The following GRM5 variants were observed in gnomAD, a reference collection of about 807,000 sequenced individuals.
GRM5 encodes the protein glutamate metabotropic receptor 5.
GRM5 carries 19 observed loss-of-function variants against 83.1 expected under a neutral mutation model. That is an observed-to-expected ratio of 0.23 (90% CI 0.16 to 0.34). The LOEUF (loss-of-function observed/expected upper bound fraction) is 0.34, where lower values mean the gene tolerates loss of function less well. Among genes scored for constraint, GRM5 ranks in the 10% least tolerant of loss-of-function variants. GRM5 has a pLI of 1.00. For synonymous variants in GRM5, 675 were observed against 633.6 expected (o/e 1.07, Z -0.98); for missense variants, 1,160 against 1,588.3 (o/e 0.73, Z 4.58).
chr11:88,876,888 A>T (rs1387234033), intron 2 of GRM5, among the ~76,000 whole-genome samples: 2 of 152,142 alleles, frequency 1.3e-5, no homozygotes, highest in Non-Finnish European at 2.9e-5. Flanking sequence ...CAGCCATAAA[A>T]AAAGAATGAA....
chr11:88,511,374 C>T (rs889649828), intron 9 of GRM5, among the ~76,000 whole-genome samples: 1 of 152,232 alleles, frequency 6.6e-6, no homozygotes, highest in African/African-American at 2.4e-5. Flanking sequence ...CCCTTGGTAA[C>T]AGACTGCCAT....
At chr11:88,757,153 AG>A (rs1350478534) in intron 3 of GRM5, among the ~76,000 whole-genome samples, 4 of 152,080 alleles carry the variant, frequency 2.6e-5, no homozygotes, top group South Asian at 4.1e-4. Context: ...AAGCAGTCAA[AG>A]GAAAAAAAAC....
chr11:88,923,102 T>C (rs1273369334), intron 2 of GRM5, among the ~76,000 whole-genome samples: 1 of 151,930 alleles, frequency 6.6e-6, no homozygotes, highest in Non-Finnish European at 1.5e-5. Flanking sequence ...TATAAAAGAC[T>C]GGGAATATAA....
Position 89,024,055 on chromosome 11 carries a change from A to C in GRM5, c.661+23157T>G, listed in dbSNP as rs371820248. On this transcript the variant is annotated intron_variant, in intron 2 of 9. Transcript: ENST00000305447. The stretch of plus-strand genomic sequence containing the variant: ...ACGTGGTAAAACCCCGTCTGTACTA[A>C]AAATACAAAAATTAGTTGGGCGTGG... Among the ~76,000 whole-genome samples the C allele has an allele frequency of 2.4e-4, 36 of 152,012 alleles. No homozygotes were observed. The East Asian group carries it at 4.5e-3, about 19-fold the overall frequency.
intron 2 of GRM5, among the ~76,000 whole-genome samples, chr11:88,909,126 T>A (rs534444411): frequency 6.6e-6 from 1 of 152,150 alleles, no homozygotes. Flanking sequence ...CAACTAAAAT[T>A]AAAGTGGAAC....
At chr11:88,964,438 T>C (rs1232547460) in intron 2 of GRM5, among the ~76,000 whole-genome samples, 1 of 152,100 alleles carries the variant, frequency 6.6e-6, no homozygotes, top group Non-Finnish European at 1.5e-5. Context: ...TGCTCAGTAG[T>C]TTTGAGAACT....
At chr11:88,629,016 G>A (rs1364520475) in intron 4 of GRM5, among the ~76,000 whole-genome samples, 2 of 152,154 alleles carry the variant, frequency 1.3e-5, no homozygotes, top group Non-Finnish European at 2.9e-5. Flanking sequence ...TTCTAGTCAG[G>A]TACTGCAAAG....
intron 3 of GRM5, among the ~76,000 whole-genome samples, chr11:88,829,852 A>C (rs1185425688): frequency 6.6e-6 from 1 of 152,128 alleles, no homozygotes; most frequent in Non-Finnish European, 1.5e-5. Context: ...GATTATGTAC[A>C]AGCAAAAAAC....
At chr11:88,868,593 T>A (rs1944710534) in intron 2 of GRM5, among the ~76,000 whole-genome samples, 1 of 151,756 alleles carries the variant, frequency 6.6e-6, no homozygotes, top group Admixed American at 6.6e-5. Flanking sequence ...CCATCTATTC[T>A]CCATGTTTCA....
At chr11:88,617,319 T>C (rs1331789821) in intron 4 of GRM5, among the ~76,000 whole-genome samples, 1 of 152,148 alleles carries the variant, frequency 6.6e-6, no homozygotes, top group Non-Finnish European at 1.5e-5. Context: ...GAGAAGCTAG[T>C]TGAGAACTCT....
chr11:88,510,511 T>C (rs143772459), intron 9 of GRM5, among the ~76,000 whole-genome samples: 3 of 13,840 alleles, frequency 2.2e-4, no homozygotes, highest in African/African-American at 1.1e-3. Flanking sequence ...ACACTCAAGA[T>C]TTTTTTTTTA....
rs557816866 is a variant in GRM5 at position 88,551,554 on chromosome 11, A to G, written c.2630+15499T>C. On this transcript the variant is annotated intron_variant, in intron 8 of 9. Coordinates refer to ENST00000305447, the MANE Select transcript of GRM5 (RefSeq NM_001143831.3). ...GAAATGGGATGAGTAAGCATGTGAC[A>G]AGGCAGATTCGATTCTTATTCACAA... Among the ~76,000 whole-genome samples the G allele has an allele frequency of 1.4e-4, 22 of 152,260 alleles. No homozygotes were observed. In the South Asian group the frequency reaches 4.4e-3, roughly 30 times the overall value.
chr11:88,517,886 C>G (rs1941566122), intron 9 of GRM5, among the ~76,000 whole-genome samples: 1 of 152,134 alleles, frequency 6.6e-6, no homozygotes, highest in Admixed American at 6.5e-5. Flanking sequence ...TCTACAAAAA[C>G]TATACATTTG....
chr11:88,870,988 G>A (rs1944757960), intron 2 of GRM5, among the ~76,000 whole-genome samples: 1 of 151,570 alleles, frequency 6.6e-6, no homozygotes, highest in Admixed American at 6.6e-5. Context: ...CTAAATTAGT[G>A]TGATGTGACC....
At chr11:88,611,042 A>G (rs1938299362) in intron 4 of GRM5, among the ~76,000 whole-genome samples, 1 of 152,192 alleles carries the variant, frequency 6.6e-6, no homozygotes, top group Admixed American at 6.5e-5. Flanking sequence ...ATGTTAAACC[A>G]ACCATGAATC....
At chr11:89,063,293 T>C (rs1469833972) in intron 1 of GRM5, among the ~76,000 whole-genome samples, 2 of 152,098 alleles carry the variant, frequency 1.3e-5, no homozygotes, top group African/African-American at 4.8e-5. Flanking sequence ...CGCGCCTTTT[T>C]CCCCAACAGG....
At chr11:88,529,961 TG>T (rs1236282709) in intron 8 of GRM5, among the ~76,000 whole-genome samples, 3 of 152,144 alleles carry the variant, frequency 2.0e-5, no homozygotes, top group African/African-American at 7.2e-5. Flanking sequence ...GAGATGCTGG[TG>T]GGACATCCAA....
intron 3 of GRM5, among the ~76,000 whole-genome samples, chr11:88,731,386 C>A (rs2135406831): frequency 6.6e-6 from 1 of 152,134 alleles, no homozygotes; most frequent in Non-Finnish European, 1.5e-5. Context: ...ACCTTTGATT[C>A]TTTGGATACA....
At chr11:88,709,975 C>T (rs957624768) in intron 3 of GRM5, among the ~76,000 whole-genome samples, 1 of 152,120 alleles carries the variant, frequency 6.6e-6, no homozygotes, top group Non-Finnish European at 1.5e-5. Context: ...TTGAAGGCCC[C>T]TTTGGTTCTC....
Sources: allele counts gnomAD v4.1 joint callset (sites outside exome capture counted in the v4.1 genomes callset), GRCh38; gene constraint gnomAD v4.1.1; transcripts MANE v1.5; gene names NCBI Gene and HGNC (gene_info 2026-07-23, HGNC 2026-07-21).